The following VIPAS39 variants were observed in gnomAD, a reference collection of about 807,000 sequenced individuals.
The protein encoded by VIPAS39 is VPS33B interacting protein, apical-basolateral polarity regulator, spe-39 homolog.
Under a neutral mutation model 84.7 loss-of-function variants are expected in VIPAS39, and 63 were observed. The ratio of observed to expected loss-of-function variants is 0.74; its 90% CI spans 0.61 to 0.92. VIPAS39 has a LOEUF of 0.92. VIPAS39 is among the 40% of genes least tolerant of loss of function. The pLI is 0.00. For missense variants in VIPAS39, 499 were observed against 604.5 expected, an observed-to-expected ratio of 0.83 and a Z score of 1.83; for synonymous variants, 192 against 216.5, an observed-to-expected ratio of 0.89 and a Z score of 0.99.
chr14:77,428,950 C>G (rs2078475919), intron 18 of VIPAS39, 56 bp downstream of exon 18: 2 of 1,480,510 alleles, frequency 1.4e-6, no homozygotes, highest in Admixed American at 3.3e-5. Flanking sequence ...TTATAATCCC[C>G]ACCCTGCTTC....
chr14:77,457,534 C>T lies in VIPAS39; in HGVS notation c.-40G>A. On this transcript the variant is annotated 5_prime_UTR_variant, in exon 1 of 20. Coordinates refer to ENST00000557658, the MANE Select transcript of VIPAS39 (RefSeq NM_001193315.2). ...GCCCTCCCTCTCAGGACAGCGCCAG[C>T]CTCCGCCGCCGCTGGACCAGCCCTT... 1 of 757,652 alleles carries T rather than the reference C, an allele frequency of 1.3e-6. No homozygotes were observed. Among genetic ancestry groups the T allele is most frequent in the Non-Finnish European group, 2.1e-6 (1 of 474,218 alleles). 46.9% of individuals were successfully genotyped at this position (757,652 alleles called of 1,614,324 possible).
chr14:77,438,915 T>C (rs2078657430), intron 11 of VIPAS39, among the ~76,000 whole-genome samples: 1 of 152,204 alleles, frequency 6.6e-6, no homozygotes, highest in African/African-American at 2.4e-5. Flanking sequence ...GTAAATAACA[T>C]AAGACAGAAT....
chr14:77,455,013 T>C (rs1296099872), intron 1 of VIPAS39, among the ~76,000 whole-genome samples: 5 of 152,242 alleles, frequency 3.3e-5, no homozygotes, highest in Non-Finnish European at 5.9e-5. Context: ...AGCAGAATTA[T>C]CTCACCTAAA....
At position 77,444,288 on chromosome 14, in the gene VIPAS39, T is replaced by C. The variant is rs148623263; in HGVS notation, c.558A>G (p.Glu186=). ...TTCCATCATGCATGCTTACTGCCTC[T>C]TCTAGGAGTTGTAGTTTGTCCTGTA... The part of the protein sequence containing the change: ...RSLQDKLQLL[E]EAVSMHDGNV... Residue 186 remains glutamate, a synonymous_variant, in exon 8 of 20, where the codon GAA becomes GAG. Transcript: ENST00000557658. 644 of 1,613,946 alleles carry C rather than the reference T, an allele frequency of 4.0e-4. No individual in the cohort carries two copies. Among genetic ancestry groups the C allele is most frequent in the Non-Finnish European group, 5.1e-4 (602 of 1,179,828 alleles).
chr14:77,453,166 G>C (rs895598706), intron 3 of VIPAS39, 133 bp downstream of exon 3: 30 of 970,558 alleles, frequency 3.1e-5, no homozygotes, highest in Middle Eastern at 2.1e-4. Flanking sequence ...TAAGTTTCCA[G>C]ATGTATGCTT....
intron 14 of VIPAS39, 138 bp downstream of exon 14, chr14:77,435,121 A>G: frequency 7.3e-7 from 1 of 1,369,560 alleles, no homozygotes; most frequent in South Asian, 1.2e-5. Context: ...ACCCCTGGTG[A>G]GGGCCAGGAA....
At chr14:77,437,765 G>A (rs749049796) in intron 12 of VIPAS39, 43 bp downstream of exon 12, 1 of 1,586,260 alleles carries the variant, frequency 6.3e-7, no homozygotes, top group Non-Finnish European at 8.7e-7. Flanking sequence ...TTCCTTCTGG[G>A]TAAAGGTATT....
At chr14:77,453,278 C>A in intron 3 of VIPAS39, 21 bp downstream of exon 3, 1 of 1,609,460 alleles carries the variant, frequency 6.2e-7, no homozygotes, top group Admixed American at 1.7e-5. Flanking sequence ...TCTATCCCTG[C>A]CTAGGGACTC....
In VIPAS39 at chr14:77,437,789, A is replaced by G; in HGVS notation, c.836+19T>C. On this transcript the variant is annotated intron_variant, in intron 12 of 19. Transcript: ENST00000557658. ...GGTAAAGGTATTTATACTTAAAATC[A>G]TTTTTCCCCCATACTTACCCAACAC... 6.2e-7 allele frequency: 1 copy of G among 1,611,586 alleles called. No homozygotes were observed. Among genetic ancestry groups the G allele is most frequent in the Non-Finnish European group, 8.5e-7 (1 of 1,177,904 alleles).
chr14:77,441,112 G>T lies in VIPAS39; in HGVS notation c.735-19C>A. On this transcript the variant is annotated intron_variant, in intron 10 of 19. Coordinates refer to ENST00000557658, the MANE Select transcript of VIPAS39 (RefSeq NM_001193315.2). ...TAGGAACCTGGGAAGAAGCAGAAGG[G>T]AGCAGGGCATTTGTATCTATTGATG... is the stretch of plus-strand genomic sequence containing the variant. The T allele has an allele frequency of 2.5e-6, 4 of 1,612,434 alleles. No homozygotes were observed. Among genetic ancestry groups the T allele is most frequent in the Non-Finnish European group, 3.4e-6 (4 of 1,179,520 alleles).
rs2078639601 is a variant in VIPAS39, at chr14:77,437,879, T to C, written c.765A>G (p.Leu255=). 1.2e-6 allele frequency: 2 copies of C among 1,614,024 alleles called. No homozygotes were observed. Among genetic ancestry groups the C allele is most frequent in the African/African-American group, 1.3e-5 (1 of 74,928 alleles). The change falls in exon 12 of 20, where the codon CTA becomes CTG. Residue 255 remains leucine, a splice_region_variant and synonymous_variant. Coordinates refer to ENST00000557658, the MANE Select transcript of VIPAS39 (RefSeq NM_001193315.2). ...TGTTCAAATGCTCTCGATAATGAGA[T>C]AGCTACAAAAAGCAGAAAAAGGCTT... ...RFLDRTEELA[L]SHYREHLNIQ... is the part of the protein sequence containing the mutation.
At chr14:77,450,497 T>C (rs910710336) in intron 4 of VIPAS39, among the ~76,000 whole-genome samples, 3 of 152,140 alleles carry the variant, frequency 2.0e-5, no homozygotes, top group Admixed American at 1.3e-4. Flanking sequence ...AGAAGTAAAA[T>C]TGCTAGATCA....
intron 7 of VIPAS39, among the ~76,000 whole-genome samples, chr14:77,447,977 T>TTG (rs2078821540): frequency 6.7e-6 from 1 of 148,992 alleles, no homozygotes; most frequent in South Asian, 2.1e-4. Context: ...TTTTTTTTTT[T>TTG]GAGACGGAGT....
intron 11 of VIPAS39, among the ~76,000 whole-genome samples, chr14:77,440,059 T>TC (rs1384660222): frequency 6.6e-6 from 1 of 151,534 alleles, no homozygotes; most frequent in Non-Finnish European, 1.5e-5. Context: ...ATTTTTTAAA[T>TC]TTTTTTTTAG....
At chr14:77,444,985 G>T (rs556822714) in intron 7 of VIPAS39, among the ~76,000 whole-genome samples, 21 of 149,368 alleles carry the variant, frequency 1.4e-4, no homozygotes, top group African/African-American at 4.9e-4. Flanking sequence ...TTGAGACGGA[G>T]TCTCGCTCTG....
At chr14:77,431,870 C>A (rs891216607) in intron 16 of VIPAS39, among the ~76,000 whole-genome samples, 6 of 152,076 alleles carry the variant, frequency 3.9e-5, no homozygotes, top group African/African-American at 1.4e-4. Flanking sequence ...ATTTAAATAT[C>A]TGTAACTTAC....
At chr14:77,442,330 T>TA (rs2078715863) in intron 10 of VIPAS39, among the ~76,000 whole-genome samples, 1 of 152,208 alleles carries the variant, frequency 6.6e-6, no homozygotes, top group Non-Finnish European at 1.5e-5. Flanking sequence ...GTGGGAGACC[T>TA]ATAATAGCAT....
rs774036133 is a variant in VIPAS39 at position 77,444,229 on chromosome 14, C to A, written c.597+20G>T. ...GTGAAAACAATAATTAAACAAACAACAACAAATCCGACAACTCACTGCAGT... is the reference window on the plus strand; with the variant it reads ...GTGAAAACAATAATTAAACAAACAAAAACAAATCCGACAACTCACTGCAGT... On this transcript the variant is annotated intron_variant, in intron 8 of 19. Transcript: ENST00000557658. The A allele has an allele frequency of 4.4e-5, 71 of 1,608,220 alleles. No individual in the cohort carries two copies. Among genetic ancestry groups the A allele is most frequent in the Non-Finnish European group, 5.7e-5 (67 of 1,175,280 alleles).
chr14:77,455,861 G>C (rs1052081529), intron 1 of VIPAS39, among the ~76,000 whole-genome samples: 7 of 152,304 alleles, frequency 4.6e-5, no homozygotes, highest in African/African-American at 1.7e-4. Flanking sequence ...TACTGGTACA[G>C]GGTTGTTTAA....
Sources: allele counts gnomAD v4.1 joint callset (sites outside exome capture counted in the v4.1 genomes callset), GRCh38; gene constraint gnomAD v4.1.1; transcripts MANE v1.5; gene names NCBI Gene and HGNC (gene_info 2026-07-23, HGNC 2026-07-21).